The following CCDC91 variants were observed in gnomAD, a reference collection of about 807,000 sequenced individuals.
CCDC91 encodes coiled-coil domain containing 91.
In CCDC91, 48 loss-of-function variants were observed where a neutral mutation model predicts 63.2. The observed-to-expected ratio is 0.76, with a 90% confidence interval of 0.60 to 0.97. The LOEUF (loss-of-function observed/expected upper bound fraction) is 0.97, where lower values mean the gene tolerates loss of function less well. Among genes scored for constraint, CCDC91 ranks in the 50% least tolerant of loss-of-function variants. CCDC91 has a pLI of 0.00. For missense variants in CCDC91, 500 were observed against 494.6 expected, an observed-to-expected ratio of 1.01 and a Z score of -0.10; for synonymous variants, 167 against 165.8, an observed-to-expected ratio of 1.01 and a Z score of -0.06.
intron 8 of CCDC91, among the ~76,000 whole-genome samples, chr12:28,428,577 A>C (rs1174666763): frequency 6.7e-5 from 10 of 149,492 alleles, no homozygotes; most frequent in South Asian, 2.1e-4. Flanking sequence ...CTCTCCCCAA[A>C]AAAAAAAAAA....
intron 1 of CCDC91, chr12:28,190,873 C>G (rs534194063): frequency 7.9e-5 from 12 of 152,328 alleles, no homozygotes; most frequent in Admixed American, 7.2e-4. Context: ...TTCCTGCGCT[C>G]GCCGGTGGGT....
intron 3 of CCDC91, among the ~76,000 whole-genome samples, chr12:28,280,060 T>A (rs1292990313): frequency 2.6e-5 from 4 of 152,118 alleles, no homozygotes; most frequent in Non-Finnish European, 5.9e-5. Context: ...TGATTCTTTT[T>A]AAAAATTTGT....
chr12:28,454,792 T>C (rs1949983858), intron 11 of CCDC91, among the ~76,000 whole-genome samples: 1 of 152,088 alleles, frequency 6.6e-6, no homozygotes, highest in Non-Finnish European at 1.5e-5. Context: ...TATGGCACTG[T>C]ACTGGGGATA....
chr12:28,451,502 A>G (rs898013626), intron 10 of CCDC91, among the ~76,000 whole-genome samples: 1 of 151,722 alleles, frequency 6.6e-6, no homozygotes, highest in Non-Finnish European at 1.5e-5. Context: ...GCAAAAAGTC[A>G]AATTTTAGAA....
intron 1 of CCDC91, among the ~76,000 whole-genome samples, chr12:28,243,284 C>T (rs73263461): frequency 0.049 from 7,462 of 152,066 alleles, 550 homozygotes; most frequent in African/African-American, 0.16. Context: ...GGGAGGCGAT[C>T]GTATAAGGTA....
At chr12:28,516,622 AAG>A (rs1939978528) in intron 12 of CCDC91, among the ~76,000 whole-genome samples, 1 of 151,768 alleles carries the variant, frequency 6.6e-6, no homozygotes. Context: ...AAGAAAGAAA[AAG>A]AAATTTATTT....
At chr12:28,274,093 A>C (rs950843630) in intron 3 of CCDC91, among the ~76,000 whole-genome samples, 2 of 152,176 alleles carry the variant, frequency 1.3e-5, no homozygotes, top group African/African-American at 4.8e-5. Context: ...TTTATTAAAC[A>C]GGGAATCGTT....
intron 11 of CCDC91, among the ~76,000 whole-genome samples, chr12:28,474,686 A>G (rs1355902175): frequency 6.6e-6 from 1 of 152,108 alleles, no homozygotes; most frequent in Non-Finnish European, 1.5e-5. Context: ...CAAATTCTTC[A>G]TTCTCCACAC....
At chr12:28,521,477 G>A (rs1379666137) in intron 12 of CCDC91, among the ~76,000 whole-genome samples, 1 of 152,184 alleles carries the variant, frequency 6.6e-6, no homozygotes, top group African/African-American at 2.4e-5. Context: ...TTGGGGCTGA[G>A]ACGACGTGGT....
chr12:28,223,836 C>G (rs540289938), intron 1 of CCDC91, among the ~76,000 whole-genome samples: 6 of 152,092 alleles, frequency 3.9e-5, no homozygotes, highest in Non-Finnish European at 8.8e-5. Flanking sequence ...AAAGAAATGT[C>G]TTCTTAAAAG....
chr12:28,307,679 T>A lies in CCDC91; in HGVS notation c.506T>A (p.Leu169Ter). Residue 169 changes from leucine to a stop codon, truncating the protein, a stop_gained, in exon 6 of 13, where the codon TTA (leucine) becomes TAA (stop). Transcript: ENST00000536442. LOFTEE classifies it high-confidence loss of function. The part of the protein sequence containing the change: ...VESLMEKHNV[L>*]EKGFLKEKEQ... ...TCATTGATGGAAAAGCATAATGTCT[T>A]AGAAAAAGGCTTTCTAAAAGAAAAA... 1 of 1,585,450 alleles carries A rather than the reference T, an allele frequency of 6.3e-7. No individual in the cohort carries two copies. The highest frequency in any genetic ancestry group is 2.3e-5 in the East Asian group (1 of 44,134).
At chr12:28,325,496 A>G (rs927844841) in intron 6 of CCDC91, among the ~76,000 whole-genome samples, 6 of 152,074 alleles carry the variant, frequency 3.9e-5, no homozygotes, top group Non-Finnish European at 4.4e-5. Flanking sequence ...TAAACATAAA[A>G]ATAAGTTAAT....
intron 7 of CCDC91, among the ~76,000 whole-genome samples, chr12:28,387,514 T>A (rs1174730818): frequency 6.6e-6 from 1 of 152,174 alleles, no homozygotes; most frequent in Non-Finnish European, 1.5e-5. Flanking sequence ...CTGAACCCAA[T>A]TTGTAGACTT....
intron 8 of CCDC91, among the ~76,000 whole-genome samples, chr12:28,423,945 A>G (rs1329412421): frequency 6.6e-6 from 1 of 152,188 alleles, no homozygotes; most frequent in Admixed American, 6.6e-5. Flanking sequence ...CAGTGAATGC[A>G]GAGTTGTAGA....
At chr12:28,544,821 T>C (rs1302954909) in intron 12 of CCDC91, among the ~76,000 whole-genome samples, 1 of 152,062 alleles carries the variant, frequency 6.6e-6, no homozygotes, top group African/African-American at 2.4e-5. Flanking sequence ...GGTCAAGAGA[T>C]GTTTTATTTT....
chr12:28,348,672 TCTTTC>T (rs1942981226), intron 6 of CCDC91, among the ~76,000 whole-genome samples: 1 of 152,154 alleles, frequency 6.6e-6, no homozygotes, highest in Non-Finnish European at 1.5e-5. Context: ...TATTGATTTT[TCTTTC>T]CTTTATTTTC....
At chr12:28,438,189 C>T (rs1197452579) in intron 8 of CCDC91, among the ~76,000 whole-genome samples, 1 of 152,074 alleles carries the variant, frequency 6.6e-6, no homozygotes, top group Non-Finnish European at 1.5e-5. Flanking sequence ...TCCAAAATTC[C>T]TACTGCAACT....
intron 3 of CCDC91, among the ~76,000 whole-genome samples, chr12:28,299,664 G>A (rs748680391): frequency 3.3e-5 from 5 of 151,466 alleles, no homozygotes; most frequent in African/African-American, 7.3e-5. Flanking sequence ...CATTCCTGCC[G>A]ATCTTCCACT....
At chr12:28,406,203 G>A (rs1359022575) in intron 8 of CCDC91, among the ~76,000 whole-genome samples, 1 of 151,354 alleles carries the variant, frequency 6.6e-6, no homozygotes, top group African/African-American at 2.4e-5. Flanking sequence ...TAGGTATTAA[G>A]CCCAGCATCC....
Sources: allele counts gnomAD v4.1 joint callset (sites outside exome capture counted in the v4.1 genomes callset), GRCh38; gene constraint gnomAD v4.1.1; transcripts MANE v1.5; gene names NCBI Gene and HGNC (gene_info 2026-07-23, HGNC 2026-07-21).